Variants in CACNA2D3 observed in about 807,000 individuals in gnomAD.
CACNA2D3 encodes the protein voltage-dependent calcium channel subunit alpha-2/delta-3.
A neutral mutation model predicts 160.6 loss-of-function variants in CACNA2D3; 60 were observed. That is an observed-to-expected ratio of 0.37 (90% CI 0.30 to 0.46). CACNA2D3 has a LOEUF of 0.46. Ranked by LOEUF, CACNA2D3 falls within the 20% of genes least tolerant of loss-of-function variation. The pLI is 1.00. For synonymous variants in CACNA2D3, 558 were observed against 492.9 expected (o/e 1.13, Z -1.75); for missense variants, 1,205 against 1,365.0 (o/e 0.88, Z 1.85).
At chr3:55,068,888 A>G (rs1308207585) in intron 35 of CACNA2D3, among the ~76,000 whole-genome samples, 1 of 152,230 alleles carries the variant, frequency 6.6e-6, no homozygotes, top group Non-Finnish European at 1.5e-5. Flanking sequence ...CTACAGAGAA[A>G]TAGGGTGTAA....
At chr3:55,009,592 G>A (rs1703166926) in intron 34 of CACNA2D3, 149 bp downstream of exon 34, 2 of 700,278 alleles carry the variant, frequency 2.9e-6, no homozygotes, top group Non-Finnish European at 2.5e-6. Flanking sequence ...GCCAGCCTTT[G>A]TGCTAAGTGC....
intron 13 of CACNA2D3, among the ~76,000 whole-genome samples, chr3:54,783,738 A>G (rs527313058): frequency 6.6e-6 from 1 of 152,342 alleles, no homozygotes; most frequent in Non-Finnish European, 1.5e-5. Flanking sequence ...TGCAACATGT[A>G]TCTCTTACAT....
intron 5 of CACNA2D3, among the ~76,000 whole-genome samples, chr3:54,553,916 C>T (rs951032071): frequency 1.3e-5 from 2 of 152,108 alleles, no homozygotes; most frequent in Non-Finnish European, 2.9e-5. Flanking sequence ...GCATGATGGA[C>T]CTTGGCATGG....
In CACNA2D3 at chr3:54,798,487, G is replaced by C. The variant is rs147312411; in HGVS notation, c.1381-18366G>C. On this transcript the variant is annotated intron_variant, in intron 13 of 37. Coordinates refer to ENST00000474759, the MANE Select transcript of CACNA2D3 (RefSeq NM_018398.3). ...AGAGGCAGAGGTTACAGTGAGCCAA[G>C]ATCATGCCACTGCACTCCAGCCTGG... Among the ~76,000 whole-genome samples the C allele has an allele frequency of 5.8e-4, 88 of 152,224 alleles. No homozygotes were observed. In the East Asian group the frequency reaches 0.017, roughly 29 times the overall value.
Position 54,856,644 on chromosome 3 carries a change from A to G in CACNA2D3, c.1626+10177A>G, listed in dbSNP as rs1699177554. Reference sequence around the variant, plus strand: ...GTTTTTAAAGTTCTAAAACAAACTGATAAATAAAAATACTACACAATTTGG... The same window carrying G: ...GTTTTTAAAGTTCTAAAACAAACTGGTAAATAAAAATACTACACAATTTGG... On this transcript the variant is annotated intron_variant, in intron 17 of 37. Transcript: ENST00000474759. Among the ~76,000 whole-genome samples the G allele has an allele frequency of 2.6e-5, 4 of 152,252 alleles. No homozygotes were observed. In the South Asian group the frequency reaches 8.3e-4, roughly 31 times the overall value.
intron 11 of CACNA2D3, among the ~76,000 whole-genome samples, chr3:54,672,064 A>AG (rs1480659653): frequency 6.6e-6 from 1 of 152,194 alleles, no homozygotes; most frequent in South Asian, 2.1e-4. Context: ...GAACCAAAGG[A>AG]GGTCCTTGTC....
chr3:54,842,334 C>A (rs1230794124), intron 16 of CACNA2D3, among the ~76,000 whole-genome samples: 1 of 152,192 alleles, frequency 6.6e-6, no homozygotes, highest in African/African-American at 2.4e-5. Context: ...AAATTGGCTT[C>A]TCCTTTTCAG....
intron 2 of CACNA2D3, among the ~76,000 whole-genome samples, chr3:54,167,434 C>T (rs1177537790): frequency 1.3e-5 from 2 of 152,118 alleles, no homozygotes; most frequent in Non-Finnish European, 2.9e-5. Flanking sequence ...TACCCATCTG[C>T]CATTTGTCAT....
At chr3:54,732,914 T>G (rs1231562393) in intron 11 of CACNA2D3, among the ~76,000 whole-genome samples, 2 of 152,244 alleles carry the variant, frequency 1.3e-5, no homozygotes, top group Non-Finnish European at 2.9e-5. Flanking sequence ...AAAATCTAGT[T>G]TAATTTCAGC....
chr3:54,691,781 C>G (rs953864764), intron 11 of CACNA2D3, among the ~76,000 whole-genome samples: 4 of 151,994 alleles, frequency 2.6e-5, no homozygotes, highest in Non-Finnish European at 5.9e-5. Flanking sequence ...CTATTGTGTG[C>G]TTAGTAAAAT....
At chr3:54,922,543 TTTACTA>T (rs1700883971) in intron 27 of CACNA2D3, among the ~76,000 whole-genome samples, 1 of 152,110 alleles carries the variant, frequency 6.6e-6, no homozygotes, top group Non-Finnish European at 1.5e-5. Context: ...GATTATGTAA[TTTACTA>T]TTACATTGTT....
At chr3:54,933,577 G>A (rs1467912363) in intron 27 of CACNA2D3, among the ~76,000 whole-genome samples, 1 of 152,166 alleles carries the variant, frequency 6.6e-6, no homozygotes, top group African/African-American at 2.4e-5. Flanking sequence ...AGAAGAGGAG[G>A]CATAGCTGTT....
At chr3:54,571,316 C>T (rs1212301864) in intron 8 of CACNA2D3, among the ~76,000 whole-genome samples, 1 of 152,086 alleles carries the variant, frequency 6.6e-6, no homozygotes, top group South Asian at 2.1e-4. Context: ...TGTTGATGTT[C>T]ATGCCGGAGA....
intron 11 of CACNA2D3, among the ~76,000 whole-genome samples, chr3:54,653,963 A>G (rs1369447774): frequency 6.6e-6 from 1 of 152,148 alleles, no homozygotes; most frequent in Non-Finnish European, 1.5e-5. Flanking sequence ...GGGAAGAGTC[A>G]AACTGTTACC....
At chr3:54,716,332 C>T in intron 11 of CACNA2D3, among the ~76,000 whole-genome samples, 1 of 151,888 alleles carries the variant, frequency 6.6e-6, no homozygotes, top group African/African-American at 2.4e-5. Flanking sequence ...GTATGTGTGG[C>T]CGATACCTTT....
chr3:54,641,322 C>A (rs2106844811), intron 10 of CACNA2D3, among the ~76,000 whole-genome samples: 1 of 152,334 alleles, frequency 6.6e-6, no homozygotes, highest in Admixed American at 6.5e-5. Flanking sequence ...AGATTTCTGA[C>A]TGGCAGTTGG....
At chr3:54,355,611 A>G (rs1343587189) in intron 3 of CACNA2D3, among the ~76,000 whole-genome samples, 1 of 152,176 alleles carries the variant, frequency 6.6e-6, no homozygotes, top group African/African-American at 2.4e-5. Flanking sequence ...GCATTGCTCT[A>G]CAGCCTTCAG....
chr3:55,004,798 C>A lies in CACNA2D3; in HGVS notation c.2726C>A (p.Ala909Asp). 2 of 1,613,652 alleles carry A rather than the reference C, an allele frequency of 1.2e-6. No individual in the cohort carries two copies. Among genetic ancestry groups the A allele is most frequent in the Non-Finnish European group, 1.7e-6 (2 of 1,179,640 alleles). ...TLYDYQAMCR[A>D]NKESSDGAHG... ...TATGACTACCAAGCCATGTGTAGAG[C>A]CAACAAGGAAAGCAGCGATGGCGCC... is the stretch of plus-strand genomic sequence containing the variant. Residue 909 changes from alanine (A) to aspartate (D), a missense_variant, in exon 32 of 38, where the codon GCC becomes GAC. Physicochemically the swap from Ala to Asp is moderately radical, Grantham distance 126 (BLOSUM62 -2). Coordinates refer to ENST00000474759, the MANE Select transcript of CACNA2D3 (RefSeq NM_018398.3).
intron 5 of CACNA2D3, among the ~76,000 whole-genome samples, chr3:54,504,363 G>A (rs1196272240): frequency 6.6e-6 from 1 of 152,080 alleles, no homozygotes; most frequent in African/African-American, 2.4e-5. Context: ...GTCAGACCGT[G>A]TTCTACTTCT....
Sources: gnomAD v4.1 joint callset for allele counts (sites outside exome capture counted in the v4.1 genomes callset) on GRCh38, gnomAD v4.1.1 for gene constraint, MANE v1.5 for transcripts, NCBI Gene and HGNC (gene_info 2026-07-23, HGNC 2026-07-21) for gene names.